TRAP1: variants seen among roughly 807,000 people sequenced by gnomAD.
TRAP1 encodes the protein heat shock protein 75 kDa, mitochondrial.
In TRAP1, 102 loss-of-function variants were observed where a neutral mutation model predicts 89.1. The ratio of observed to expected loss-of-function variants is 1.15; its 90% confidence interval spans 0.98 to 1.35. The LOEUF is 1.35. Among genes scored for constraint, TRAP1 ranks in the 40% most tolerant of loss-of-function variants. The probability of loss-of-function intolerance (pLI) is 0.00; values close to 1 mark genes in which losing one functional copy is unlikely to be tolerated. For missense variants in TRAP1, 1,256 were observed against 945.3 expected, an observed-to-expected ratio of 1.33 and a Z score of -4.31; for synonymous variants, 508 against 388.0, an observed-to-expected ratio of 1.31 and a Z score of -3.64.
intron 7 of TRAP1, among the ~76,000 whole-genome samples, 157 bp downstream of exon 7, chr16:3,675,879 G>A (rs978637704): frequency 1.1e-4 from 16 of 152,340 alleles, no homozygotes; most frequent in Admixed American, 4.6e-4. Context: ...CAGCCCTGGC[G>A]GGCAGCCCCC....
At chr16:3,704,862 T>A (rs887510397) in intron 1 of TRAP1, among the ~76,000 whole-genome samples, 6 of 151,916 alleles carry the variant, frequency 3.9e-5, no homozygotes, top group South Asian at 2.1e-4. Context: ...TTTTTTTTTT[T>A]AATTTCCGCT....
intron 4 of TRAP1, among the ~76,000 whole-genome samples, chr16:3,680,775 G>A (rs889211388): frequency 1.4e-4 from 21 of 152,208 alleles, no homozygotes; most frequent in African/African-American, 4.8e-4. Flanking sequence ...AATGGGAGTA[G>A]GGCCCTTAGA....
intron 2 of TRAP1, 69 bp downstream of exon 2, chr16:3,690,758 G>A (rs2051202654): frequency 2.3e-6 from 3 of 1,323,762 alleles, no homozygotes; most frequent in East Asian, 2.8e-5. Flanking sequence ...CCTCCACCCT[G>A]AAAATGCCCC....
At chr16:3,663,158 G>T in intron 14 of TRAP1, 191 bp from the exon 15 acceptor site, 1 of 657,114 alleles carries the variant, frequency 1.5e-6, no homozygotes, top group Non-Finnish European at 2.6e-6. Context: ...CATACAACTT[G>T]GTTAGGGCTT....
At chr16:3,698,447 C>T (rs1039667658) in intron 1 of TRAP1, among the ~76,000 whole-genome samples, 2 of 151,602 alleles carry the variant, frequency 1.3e-5, no homozygotes, top group Non-Finnish European at 1.5e-5. Context: ...AGACTACAGG[C>T]GCCCGCCACC....
At chr16:3,695,155 C>T (rs1050599222) in intron 1 of TRAP1, among the ~76,000 whole-genome samples, 3 of 152,158 alleles carry the variant, frequency 2.0e-5, no homozygotes, top group African/African-American at 7.2e-5. Flanking sequence ...CCTGCAAAGA[C>T]CCTATTTCCA....
At chr16:3,683,264 T>C (rs1303006500) in intron 4 of TRAP1, among the ~76,000 whole-genome samples, 20 of 151,970 alleles carry the variant, frequency 1.3e-4, no homozygotes, top group Non-Finnish European at 1.5e-5. Context: ...CTAAATGTCA[T>C]GTGGGATGCT....
intron 4 of TRAP1, among the ~76,000 whole-genome samples, chr16:3,680,989 TCACAATACAG>T (rs1170143280): frequency 2.0e-5 from 3 of 152,062 alleles, no homozygotes; most frequent in Non-Finnish European, 4.4e-5. Context: ...GCAGCCTGAA[TCACAATACAG>T]ACCAACGCGC....
At chr16:3,663,372 G>T (rs2050733297) in intron 14 of TRAP1, 52 bp downstream of exon 14, 3 of 1,609,908 alleles carry the variant, frequency 1.9e-6, no homozygotes, top group East Asian at 4.5e-5. Context: ...GGCAGGAGAG[G>T]CGTGCGGGGA....
intron 12 of TRAP1, 80 bp from the exon 13 acceptor site, chr16:3,664,539 C>A (rs969877809): frequency 2.8e-6 from 4 of 1,448,698 alleles, no homozygotes; most frequent in Non-Finnish European, 2.8e-6. Flanking sequence ...GCAAACCCTC[C>A]GATGCCCATG....
At chr16:3,679,240 A>G (rs979074679) in intron 5 of TRAP1, among the ~76,000 whole-genome samples, 1 of 152,174 alleles carries the variant, frequency 6.6e-6, no homozygotes, top group Non-Finnish European at 1.5e-5. Context: ...CAGTGAGCCA[A>G]TACAGTTGGT....
In TRAP1 at chr16:3,677,594, A is replaced by T. The variant is rs1432692260; in HGVS notation, c.608T>A (p.Val203Glu). The change falls in exon 6 of 18, where the codon GTG becomes GAG. Residue 203 changes from valine to glutamate, a missense_variant. Physicochemically the swap from Val to Glu is moderately radical, Grantham distance 121. Coordinates refer to ENST00000246957, the MANE Select transcript of TRAP1 (RefSeq NM_016292.3). Reference protein sequence around the residue: ...ASSKIIGQFGVGFYSAFMVAD... With the variant: ...ASSKIIGQFGEGFYSAFMVAD... ...CACCATGAAAGCTGAGTAGAAACCC[A>T]CTCCAAACTGGCCGATGATCTTGCT... The T allele has an allele frequency of 6.2e-7, 1 of 1,613,946 alleles. No individual in the cohort carries two copies. The highest frequency in any genetic ancestry group is 1.3e-5 in the African/African-American group (1 of 74,954).
At chr16:3,685,974 G>A (rs372003004) in intron 4 of TRAP1, 22 bp downstream of exon 4, 15 of 1,611,760 alleles carry the variant, frequency 9.3e-6, no homozygotes, top group African/African-American at 5.3e-5. Context: ...CCTGCCACAC[G>A]CCTGGACACT....
chr16:3,662,180 G>A (rs1414252393), intron 15 of TRAP1, 48 bp from the exon 16 acceptor site: 6 of 1,580,986 alleles, frequency 3.8e-6, no homozygotes, highest in Non-Finnish European at 4.3e-6. Flanking sequence ...CCCAATGTGA[G>A]AGGGCTGGCA....
chr16:3,658,521 A>G, intron 17 of TRAP1: 1 of 568,598 alleles, frequency 1.8e-6, no homozygotes, highest in Non-Finnish European at 3.1e-6. Context: ...CATCTCTACT[A>G]AAATACAAAA....
At chr16:3,671,470 C>T (rs898208911) in intron 11 of TRAP1, among the ~76,000 whole-genome samples, 1 of 152,206 alleles carries the variant, frequency 6.6e-6, no homozygotes, top group African/African-American at 2.4e-5. Context: ...GCAGGTCTGG[C>T]TCTGCGGCCC....
intron 1 of TRAP1, among the ~76,000 whole-genome samples, chr16:3,708,569 G>A (rs916287118): frequency 1.3e-5 from 2 of 152,018 alleles, no homozygotes; most frequent in Non-Finnish European, 2.9e-5. Flanking sequence ...CCTGGGAGAC[G>A]GAGGTTGCAG....
At chr16:3,713,313 G>A (rs2051556642) in intron 1 of TRAP1, among the ~76,000 whole-genome samples, 1 of 152,210 alleles carries the variant, frequency 6.6e-6, no homozygotes, top group African/African-American at 2.4e-5. Flanking sequence ...TACTGAAGGG[G>A]AGGGCGCAGC....
At chr16:3,684,792 A>G (rs1257574869) in intron 4 of TRAP1, among the ~76,000 whole-genome samples, 1 of 152,240 alleles carries the variant, frequency 6.6e-6, no homozygotes, top group Non-Finnish European at 1.5e-5. Context: ...TCTGTCTCCA[A>G]AAAAAAGGAA....
Sources: gnomAD v4.1 joint callset for allele counts (sites outside exome capture counted in the v4.1 genomes callset) on GRCh38, gnomAD v4.1.1 for gene constraint, MANE v1.5 for transcripts, NCBI Gene and HGNC (gene_info 2026-07-23, HGNC 2026-07-21) for gene names.